Variants in BIRC6 observed in about 807,000 individuals in gnomAD.
The protein encoded by BIRC6 is baculoviral IAP repeat containing 6.
A neutral mutation model predicts 503.3 loss-of-function variants in BIRC6; 98 were observed. That is an observed-to-expected ratio of 0.19 (90% CI 0.17 to 0.23). The LOEUF is 0.23. BIRC6 is among the 10% of genes least tolerant of loss of function. BIRC6 has a pLI of 1.00. For synonymous variants in BIRC6, 2,240 were observed against 2,078.7 expected (o/e 1.08, Z -2.11); for missense variants, 5,360 against 5,806.0 (o/e 0.92, Z 2.50).
intron 20 of BIRC6, among the ~76,000 whole-genome samples, chr2:32,445,196 G>A (rs537539125): frequency 6.6e-6 from 1 of 152,254 alleles, no homozygotes; most frequent in South Asian, 2.1e-4. Flanking sequence ...CAGCTATTTC[G>A]AAGTGTCCCT....
chr2:32,393,139 T>C (rs2039460121), intron 5 of BIRC6, among the ~76,000 whole-genome samples: 1 of 151,754 alleles, frequency 6.6e-6, no homozygotes. Flanking sequence ...ACCCATATAC[T>C]AGATAACTAC....
chr2:32,383,172 G>A (rs531176580), intron 3 of BIRC6, among the ~76,000 whole-genome samples: 35 of 151,426 alleles, frequency 2.3e-4, no homozygotes, highest in Non-Finnish European at 4.4e-4. Flanking sequence ...TCAGCCTCCC[G>A]AGTAGCTGCG....
In BIRC6 at chr2:32,515,641, A is replaced by G. The variant is rs1351254229; in HGVS notation, c.11220A>G (p.Ser3740=). The change falls in exon 55 of 74, where the codon TCA becomes TCG. Residue 3740 remains serine, a synonymous_variant. Transcript: ENST00000421745. The stretch of plus-strand genomic sequence containing the variant: ...GTGCACAACAGACCAGTGCAAGATC[A>G]GCTTCTCTTTCTTCAGCTGCTACAA... ...NLGAQQTSAR[S]ASLSSAATTG... is the part of the protein sequence containing the mutation. The G allele has an allele frequency of 3.1e-6, 5 of 1,612,264 alleles. No homozygotes were observed. The highest frequency in any genetic ancestry group is 4.2e-6 in the Non-Finnish European group (5 of 1,179,880).
chr2:32,561,451 G>A (rs950627345), intron 65 of BIRC6, among the ~76,000 whole-genome samples: 6 of 151,518 alleles, frequency 4.0e-5, no homozygotes, highest in Non-Finnish European at 8.8e-5. Flanking sequence ...TGTTAACCAG[G>A]CAGGTCTGCA....
intron 13 of BIRC6, among the ~76,000 whole-genome samples, chr2:32,435,182 C>G (rs889189402): frequency 6.6e-6 from 1 of 152,136 alleles, no homozygotes; most frequent in Non-Finnish European, 1.5e-5. Flanking sequence ...TTGGTAGTTT[C>G]AAAGCTCTGC....
chr2:32,417,684 T>C (rs1054993705), intron 10 of BIRC6, among the ~76,000 whole-genome samples: 4 of 152,222 alleles, frequency 2.6e-5, no homozygotes, highest in Non-Finnish European at 5.9e-5. Flanking sequence ...TTTCCTCTCT[T>C]TAAATAGATT....
intron 7 of BIRC6, 28 bp downstream of exon 7, chr2:32,401,413 T>C: frequency 6.2e-7 from 1 of 1,612,494 alleles, no homozygotes; most frequent in East Asian, 2.2e-5. Context: ...AGTAACAAAT[T>C]AGTAATTGAA....
At chr2:32,468,313 A>C (rs2048774499) in intron 28 of BIRC6, 124 bp from the exon 29 acceptor site, 3 of 981,026 alleles carry the variant, frequency 3.1e-6, no homozygotes, top group Middle Eastern at 3.3e-4. Flanking sequence ...AGTACCTATC[A>C]AGTGGGTAAT....
chr2:32,479,429 A>G, intron 36 of BIRC6, 33 bp from the exon 37 acceptor site: 1 of 1,560,444 alleles, frequency 6.4e-7, no homozygotes. Flanking sequence ...ATCTGTATAA[A>G]TTATTAAAAC....
At chr2:32,435,042 C>A (rs190323553) in intron 13 of BIRC6, among the ~76,000 whole-genome samples, 143 of 152,190 alleles carry the variant, frequency 9.4e-4, no homozygotes, top group Non-Finnish European at 1.7e-3. Flanking sequence ...ACTAATCCCC[C>A]ACAGATACTG....
chr2:32,359,422 A>G (rs1437036561), intron 1 of BIRC6, among the ~76,000 whole-genome samples: 1 of 152,226 alleles, frequency 6.6e-6, no homozygotes, highest in African/African-American at 2.4e-5. Context: ...GGAAGGAAAG[A>G]CAATATTCAC....
At chr2:32,397,738 T>TA (rs1318036167) in intron 6 of BIRC6, among the ~76,000 whole-genome samples, 1 of 150,552 alleles carries the variant, frequency 6.6e-6, no homozygotes, top group Non-Finnish European at 1.5e-5. Flanking sequence ...TTAGTATATA[T>TA]TTTTTAGGTC....
chr2:32,469,243 T>G (rs2048876884), intron 29 of BIRC6, among the ~76,000 whole-genome samples, 152 bp from the exon 30 acceptor site: 1 of 152,246 alleles, frequency 6.6e-6, no homozygotes, highest in Admixed American at 6.5e-5. Flanking sequence ...GTAACAGATT[T>G]CTACATACAA....
chr2:32,536,167 T>G (rs1383488113), intron 61 of BIRC6, among the ~76,000 whole-genome samples: 1 of 152,236 alleles, frequency 6.6e-6, no homozygotes, highest in Non-Finnish European at 1.5e-5. Context: ...GTTTTTTTCT[T>G]GTAAATTTGT....
chr2:32,495,510 C>T (rs941972490), intron 45 of BIRC6, among the ~76,000 whole-genome samples: 2 of 152,132 alleles, frequency 1.3e-5, no homozygotes, highest in Non-Finnish European at 2.9e-5. Flanking sequence ...ATAAAGAAGG[C>T]ATTCAGTTTT....
In BIRC6 at chr2:32,471,066, G is replaced by A. The variant is rs917839505; in HGVS notation, c.6534G>A (p.Leu2178=). The change falls in exon 32 of 74, where the codon TTG becomes TTA. Residue 2178 remains leucine, a synonymous_variant. Transcript: ENST00000421745. Reference sequence around the variant, plus strand: ...GGGTTGTTATGCTGGTGTCCAGGTTGCTGGATTATGTGGCAACTGTTGAAG... The same window carrying A: ...GGGTTGTTATGCTGGTGTCCAGGTTACTGGATTATGTGGCAACTGTTGAAG... ...ISWVVMLVSR[L]LDYVATVEDE... is the part of the protein sequence containing the mutation. 1 of 1,583,686 alleles carries A rather than the reference G, an allele frequency of 6.3e-7. No individual in the cohort carries two copies. Among genetic ancestry groups the A allele is most frequent in the East Asian group, 2.3e-5 (1 of 44,126 alleles).
intron 22 of BIRC6, among the ~76,000 whole-genome samples, chr2:32,452,608 C>T (rs1489608110): frequency 6.6e-6 from 1 of 152,112 alleles, no homozygotes; most frequent in African/African-American, 2.4e-5. Flanking sequence ...TCTGCCACTT[C>T]AAGGGAGCAA....
intron 21 of BIRC6, among the ~76,000 whole-genome samples, chr2:32,447,480 T>C (rs1351957642): frequency 1.5e-5 from 2 of 133,088 alleles, no homozygotes; most frequent in Non-Finnish European, 3.2e-5. Flanking sequence ...GGCGGGGGGC[T>C]GATCCCCCCA....
chr2:32,425,193 T>G (rs982876198), intron 10 of BIRC6, among the ~76,000 whole-genome samples: 1 of 152,124 alleles, frequency 6.6e-6, no homozygotes, highest in Non-Finnish European at 1.5e-5. Context: ...TTTCTCATAT[T>G]CTGTGGGTTG....
Sources: gnomAD v4.1 joint callset for allele counts (sites outside exome capture counted in the v4.1 genomes callset) on GRCh38, gnomAD v4.1.1 for gene constraint, MANE v1.5 for transcripts, NCBI Gene and HGNC (gene_info 2026-07-23, HGNC 2026-07-21) for gene names.